The following VOPP1 variants were observed in gnomAD, a reference collection of about 807,000 sequenced individuals.
VOPP1 encodes VOPP1 WW domain binding protein, also known as WW domain binding protein VOPP1.
A neutral mutation model predicts 23.5 loss-of-function variants in VOPP1; 8 were observed. That is an observed-to-expected ratio of 0.34 (90% CI 0.20 to 0.61). The LOEUF (loss-of-function observed/expected upper bound fraction) is 0.61, where lower values mean the gene tolerates loss of function less well. Ranked by LOEUF, VOPP1 falls within the 20% of genes least tolerant of loss-of-function variation. The pLI, the probability that VOPP1 is intolerant of heterozygous loss-of-function variation, is 0.78. For missense variants in VOPP1, 174 were observed against 238.1 expected (o/e 0.73, Z 1.77); for synonymous variants, 83 against 97.3 (o/e 0.85, Z 0.86).
chr7:55,492,572 G>A (rs531595906), intron 3 of VOPP1, among the ~76,000 whole-genome samples, 154 bp from the exon 4 acceptor site: 2 of 152,220 alleles, frequency 1.3e-5, no homozygotes, highest in South Asian at 2.1e-4. Flanking sequence ...CATGAGGCTC[G>A]CACCTCAGAC....
At chr7:55,521,557 T>C (rs771555861) in intron 1 of VOPP1, 107 of 993,400 alleles carry the variant, frequency 1.1e-4, no homozygotes, top group Non-Finnish European at 1.3e-4. Context: ...TTTCAGAATA[T>C]GCTAAAGCCG....
chr7:55,438,736 T>C (rs59659972), intron 4 of VOPP1, among the ~76,000 whole-genome samples: 8,345 of 152,112 alleles, frequency 0.055, 649 homozygotes, highest in African/African-American at 0.17. Flanking sequence ...GGGCTGTGAG[T>C]GAAGGAAGGC....
chr7:55,444,240 G>A (rs1791041281), intron 4 of VOPP1, among the ~76,000 whole-genome samples: 1 of 152,224 alleles, frequency 6.6e-6, no homozygotes, highest in South Asian at 2.1e-4. Context: ...CAAGAGTCAT[G>A]TTGGGTTATA....
chr7:55,569,392 T>G (rs1798273475), intron 1 of VOPP1, among the ~76,000 whole-genome samples: 1 of 152,174 alleles, frequency 6.6e-6, no homozygotes. Flanking sequence ...ACTGAGTTTC[T>G]AAGGGGAATA....
At chr7:55,436,643 TGCGTGG>T (rs1436651961) in intron 4 of VOPP1, among the ~76,000 whole-genome samples, 1 of 140,302 alleles carries the variant, frequency 7.1e-6, no homozygotes, top group African/African-American at 2.6e-5. Context: ...TGTGTGTGCG[TGCGTGG>T]GTGTGTGTGC....
chr7:55,520,825 C>A (rs1047692387), intron 2 of VOPP1, among the ~76,000 whole-genome samples: 2 of 152,180 alleles, frequency 1.3e-5, no homozygotes, highest in African/African-American at 4.8e-5. Context: ...TAAACCCTCA[C>A]ATGTGAGCTC....
intron 4 of VOPP1, among the ~76,000 whole-genome samples, chr7:55,481,945 T>C (rs1792745837): frequency 6.6e-6 from 1 of 152,190 alleles, no homozygotes; most frequent in South Asian, 2.1e-4. Context: ...TCTAAGCGCT[T>C]CTTTCAAATG....
chr7:55,486,158 G>A lies in VOPP1; in HGVS notation c.328+6124C>T, dbSNP rs1437373830. Among the ~76,000 whole-genome samples the A allele has an allele frequency of 2.6e-5, 4 of 152,246 alleles. 1 individual carries two copies. Among genetic ancestry groups the A allele is most frequent in the African/African-American group, 9.6e-5 (4 of 41,470 alleles). ...AGTGGGCAAGGGACTTAAATCTGCT[G>A]TAAGTTTCTGTTCCCACTGATCAAA... On this transcript the variant is annotated intron_variant, in intron 4 of 4. Coordinates refer to ENST00000285279, the MANE Select transcript of VOPP1 (RefSeq NM_030796.5).
intron 1 of VOPP1, 124 bp from the exon 2 acceptor site, chr7:55,521,254 G>A (rs938465900): frequency 1.4e-5 from 14 of 993,294 alleles, no homozygotes; most frequent in South Asian, 8.0e-5. Context: ...CTGGGATATC[G>A]GGGCAGACAA....
intron 1 of VOPP1, among the ~76,000 whole-genome samples, chr7:55,560,528 G>A (rs367754470): frequency 9.2e-4 from 140 of 152,270 alleles, no homozygotes; most frequent in African/African-American, 3.2e-3. Flanking sequence ...CCTAGATGCT[G>A]GGACAGGCCA....
intron 3 of VOPP1, among the ~76,000 whole-genome samples, chr7:55,497,028 G>A (rs753780772): frequency 3.3e-5 from 5 of 152,192 alleles, no homozygotes; most frequent in African/African-American, 1.2e-4. Flanking sequence ...TCCAGCAGGC[G>A]TCCTGAGGCT....
At chr7:55,482,631 G>A (rs182331881) in intron 4 of VOPP1, among the ~76,000 whole-genome samples, 6 of 152,102 alleles carry the variant, frequency 3.9e-5, no homozygotes, top group South Asian at 2.1e-4. Context: ...GAGCCACCGC[G>A]TCCGGCCAAG....
intron 4 of VOPP1, among the ~76,000 whole-genome samples, chr7:55,459,493 C>T (rs1041880998): frequency 6.6e-6 from 1 of 152,114 alleles, no homozygotes; most frequent in Admixed American, 6.5e-5. Flanking sequence ...GCAATAAAGT[C>T]ATCCACTACT....
At chr7:55,481,557 G>A (rs1282230047) in intron 4 of VOPP1, among the ~76,000 whole-genome samples, 1 of 152,336 alleles carries the variant, frequency 6.6e-6, no homozygotes, top group East Asian at 1.9e-4. Flanking sequence ...AAAGAGGGCG[G>A]AGGAAAGAAC....
chr7:55,501,775 C>T (rs12718969), intron 2 of VOPP1, among the ~76,000 whole-genome samples: 87,186 of 151,878 alleles, frequency 0.57, 27,541 homozygotes, highest in Non-Finnish European at 0.68. Context: ...AGAACAGAGA[C>T]GACATACACC....
intron 1 of VOPP1, among the ~76,000 whole-genome samples, chr7:55,547,381 A>G (rs770853863): frequency 3.5e-4 from 54 of 152,292 alleles, no homozygotes; most frequent in Non-Finnish European, 7.2e-4. Flanking sequence ...TTGATGCCAT[A>G]CGCACACCAA....
At chr7:55,493,267 TG>T (rs35821539) in intron 3 of VOPP1, 49,020 of 152,050 alleles carry the variant, frequency 0.32, 8,405 homozygotes, top group East Asian at 0.51. Flanking sequence ...ACTGGCAAAC[TG>T]GCAAACTCTT....
intron 4 of VOPP1, among the ~76,000 whole-genome samples, chr7:55,488,315 C>A (rs187199882): frequency 4.4e-4 from 67 of 152,294 alleles, no homozygotes; most frequent in African/African-American, 1.5e-3. Context: ...CTGACCAGGG[C>A]CTCTTCCTCA....
chr7:55,550,518 C>T (rs1434019410), intron 1 of VOPP1, among the ~76,000 whole-genome samples: 1 of 152,152 alleles, frequency 6.6e-6, no homozygotes, highest in Non-Finnish European at 1.5e-5. Flanking sequence ...CAGTAAGCTC[C>T]GGTCTAGGCA....
Sources: allele counts gnomAD v4.1 joint callset (sites outside exome capture counted in the v4.1 genomes callset), GRCh38; gene constraint gnomAD v4.1.1; transcripts MANE v1.5; gene names NCBI Gene and HGNC (gene_info 2026-07-23, HGNC 2026-07-21).